Variants in CACNG2 observed in about 807,000 individuals in gnomAD.
CACNG2 encodes voltage-dependent calcium channel gamma-2 subunit.
In CACNG2, 3 loss-of-function variants were observed where a neutral mutation model predicts 25.9. The ratio of observed to expected loss-of-function variants is 0.12; its 90% CI spans 0.05 to 0.30. The LOEUF is 0.30. Ranked by LOEUF, CACNG2 falls within the 10% of genes least tolerant of loss-of-function variation. The pLI, the probability that CACNG2 is intolerant of heterozygous loss-of-function variation, is 1.00. For synonymous variants in CACNG2, 167 were observed against 173.3 expected, an observed-to-expected ratio of 0.96 and a Z score of 0.29; for missense variants, 341 against 432.5, an observed-to-expected ratio of 0.79 and a Z score of 1.88.
At chr22:36,667,049 G>A (rs2145989292) in intron 1 of CACNG2, among the ~76,000 whole-genome samples, 1 of 151,316 alleles carries the variant, frequency 6.6e-6, no homozygotes, top group South Asian at 2.1e-4. Flanking sequence ...GAGTGCAGTG[G>A]CCCAATCTTG....
At chr22:36,593,403 G>A (rs1208074113) in intron 1 of CACNG2, among the ~76,000 whole-genome samples, 1 of 152,188 alleles carries the variant, frequency 6.6e-6, no homozygotes, top group Non-Finnish European at 1.5e-5. Context: ...CAGGTAGGCT[G>A]GGATGTGTTT....
intron 1 of CACNG2, among the ~76,000 whole-genome samples, chr22:36,589,747 C>T (rs1205936751): frequency 6.6e-6 from 1 of 152,154 alleles, no homozygotes; most frequent in East Asian, 1.9e-4. Context: ...GTCATGGCCC[C>T]TCTGCCCTCC....
intron 1 of CACNG2, among the ~76,000 whole-genome samples, chr22:36,638,182 G>A (rs1936386955): frequency 6.6e-6 from 1 of 152,130 alleles, no homozygotes. Context: ...CACTGCCTAT[G>A]GCCCAGGCGA....
chr22:36,683,854 C>A (rs1309088745), intron 1 of CACNG2, among the ~76,000 whole-genome samples: 1 of 152,118 alleles, frequency 6.6e-6, no homozygotes, highest in Non-Finnish European at 1.5e-5. Context: ...TCTCTCTCCA[C>A]CCCCCGCGAC....
chr22:36,601,269 G>A (rs1469826655), intron 1 of CACNG2, among the ~76,000 whole-genome samples: 2 of 152,016 alleles, frequency 1.3e-5, no homozygotes, highest in African/African-American at 2.4e-5. Context: ...TTTTCTTCCT[G>A]TGTCTGGCTT....
At position 36,564,744 on chromosome 22, in the gene CACNG2, G is replaced by A. The variant is rs149442040; in HGVS notation, c.579C>T (p.Val193=). ...GALSFIIAEM[V]GVLAVHMFID... is the part of the protein sequence containing the mutation. ...TAAACATGTGCACCGCCAGCACCCCGACCATCTCGGCGATGATGAAGGACA... is the reference window on the plus strand; with the variant it reads ...TAAACATGTGCACCGCCAGCACCCCAACCATCTCGGCGATGATGAAGGACA... The change falls in exon 4 of 4, where the codon GTC becomes GTT. Residue 193 remains valine (V), a synonymous_variant. Coordinates refer to ENST00000300105, the MANE Select transcript of CACNG2 (RefSeq NM_006078.5). The surrounding 1 kb of genome is among the most constrained non-coding windows in gnomAD (Gnocchi z 6.7). 2.2e-4 allele frequency: 359 copies of A among 1,614,024 alleles called. No individual in the cohort carries two copies. The highest frequency in any genetic ancestry group is 2.9e-4 in the Non-Finnish European group (338 of 1,180,008).
intron 1 of CACNG2, among the ~76,000 whole-genome samples, chr22:36,615,714 A>G (rs1936011800): frequency 6.6e-6 from 1 of 152,352 alleles, no homozygotes; most frequent in Middle Eastern, 3.4e-3. Context: ...TCACTGTTGC[A>G]GCACCAGAGT....
At chr22:36,621,569 CAA>C (rs386395348) in intron 1 of CACNG2, among the ~76,000 whole-genome samples, 11 of 118,808 alleles carry the variant, frequency 9.3e-5, no homozygotes, top group Admixed American at 8.3e-5. Flanking sequence ...GATTTTGCCT[CAA>C]AAAAAAAAAA....
chr22:36,594,265 C>T (rs1935639016), intron 1 of CACNG2, among the ~76,000 whole-genome samples: 1 of 152,194 alleles, frequency 6.6e-6, no homozygotes, highest in African/African-American at 2.4e-5. Context: ...CTTCCAGGCT[C>T]ACATTCTAGG....
At chr22:36,600,816 A>G (rs1187314783) in intron 1 of CACNG2, among the ~76,000 whole-genome samples, 2 of 152,056 alleles carry the variant, frequency 1.3e-5, no homozygotes, top group Non-Finnish European at 2.9e-5. Flanking sequence ...CTAAGTGCTG[A>G]GATTATAGGC....
intron 1 of CACNG2, among the ~76,000 whole-genome samples, chr22:36,643,746 T>C (rs999225032): frequency 4.6e-5 from 7 of 152,188 alleles, no homozygotes; most frequent in African/African-American, 7.2e-5. Flanking sequence ...ATGAATCTTA[T>C]TGTTCAAGAA....
intron 1 of CACNG2, among the ~76,000 whole-genome samples, chr22:36,635,737 A>C (rs1014936943): frequency 2.0e-5 from 3 of 152,040 alleles, no homozygotes; most frequent in South Asian, 2.1e-4. Context: ...ACCTCAACCC[A>C]AGCTCATGAT....
rs140408325 is a variant in CACNG2, at chr22:36,567,142, A to G, written c.296-649T>C. ...CACCTCTGTGTGCCTCAGTTTCCTC[A>G]TCTGTAAAGCAGGGATGGTAATAAT... On this transcript the variant is annotated intron_variant, in intron 2 of 3. Coordinates refer to ENST00000300105, the MANE Select transcript of CACNG2 (RefSeq NM_006078.5). Among the ~76,000 whole-genome samples the G allele has an allele frequency of 2.4e-4, 36 of 152,346 alleles. 1 individual carries two copies. The East Asian group carries it at 6.6e-3, about 28-fold the overall frequency.
chr22:36,649,807 G>A (rs149374449), intron 1 of CACNG2, among the ~76,000 whole-genome samples: 171 of 152,270 alleles, frequency 1.1e-3, no homozygotes, highest in African/African-American at 3.8e-3. Context: ...ACGCTGTCTT[G>A]CCTGCTGCCA....
chr22:36,637,341 A>G (rs987001403), intron 1 of CACNG2, among the ~76,000 whole-genome samples: 12 of 152,192 alleles, frequency 7.9e-5, no homozygotes, highest in African/African-American at 2.4e-4. Context: ...GTGATGAGAG[A>G]CTGTGGCCAC....
intron 1 of CACNG2, among the ~76,000 whole-genome samples, chr22:36,670,122 C>T (rs1440794150): frequency 6.6e-6 from 1 of 152,178 alleles, no homozygotes; most frequent in South Asian, 2.1e-4. Flanking sequence ...TTCATTCATT[C>T]AAAACATCGA....
chr22:36,590,137 C>T (rs1176215592), intron 1 of CACNG2, among the ~76,000 whole-genome samples: 1 of 152,188 alleles, frequency 6.6e-6, no homozygotes, highest in African/African-American at 2.4e-5. Context: ...CCCGCAGGAA[C>T]AGGAGCTCAC....
At chr22:36,577,669 A>G (rs1262293283) in intron 2 of CACNG2, among the ~76,000 whole-genome samples, 1 of 142,668 alleles carries the variant, frequency 7.0e-6, no homozygotes, top group East Asian at 2.0e-4. Flanking sequence ...AAAAAAAAAA[A>G]AGAAATGAAC....
At chr22:36,685,279 A>T (rs1166058540) in intron 1 of CACNG2, among the ~76,000 whole-genome samples, 1 of 151,840 alleles carries the variant, frequency 6.6e-6, no homozygotes, top group Non-Finnish European at 1.5e-5. Context: ...CCAGCATTCC[A>T]TCTGCTCTGA....
Sources: gnomAD v4.1 joint callset for allele counts (sites outside exome capture counted in the v4.1 genomes callset) on GRCh38, gnomAD v4.1.1 for gene constraint, Gnocchi (gnomAD v3.1) non-coding constraint, MANE v1.5 for transcripts, NCBI Gene and HGNC (gene_info 2026-07-23, HGNC 2026-07-21) for gene names.